ATP1A1: variants seen among roughly 807,000 people sequenced by gnomAD.
ATP1A1 encodes ATPase Na+/K+ transporting subunit alpha 1.
ATP1A1 carries 14 observed loss-of-function variants against 114.8 expected under a neutral mutation model. The ratio of observed to expected loss-of-function variants is 0.12; its 90% CI spans 0.08 to 0.19. The LOEUF (loss-of-function observed/expected upper bound fraction) is 0.19, where lower values mean the gene tolerates loss of function less well. Among genes scored for constraint, ATP1A1 ranks in the 10% least tolerant of loss-of-function variants. The pLI is 1.00. For missense variants in ATP1A1, 524 were observed against 1,290.7 expected, an observed-to-expected ratio of 0.41 and a Z score of 9.10; for synonymous variants, 471 against 466.3, an observed-to-expected ratio of 1.01 and a Z score of -0.13.
At chr1:116,392,635 G>GT (rs1652557377) in intron 10 of ATP1A1, 1 of 463,100 alleles carries the variant, frequency 2.2e-6, no homozygotes, top group African/African-American at 2.0e-5. Flanking sequence ...CTGCTGTGGG[G>GT]TGGGGAAGGA....
intron 1 of ATP1A1, 71 bp downstream of exon 1, chr1:116,373,594 C>G: frequency 7.6e-7 from 1 of 1,319,772 alleles, no homozygotes; most frequent in Non-Finnish European, 9.8e-7. Context: ...GTCGGGAGGG[C>G]GACCGCGGCC....
At position 116,380,519 on chromosome 1, in the gene ATP1A1, A is replaced by G. The variant is rs185147387; in HGVS notation, c.13-3495A>G. Among the ~76,000 whole-genome samples, 319 of 152,208 alleles carry G rather than the reference A, an allele frequency of 2.1e-3. 1 individual carries two copies. The highest frequency in any genetic ancestry group is 7.5e-3 in the African/African-American group (310 of 41,514). ...AAGCAATATACCTCTGGGATGGAAG[A>G]TCCTGCTTATTTTGGGATAATTTCT... On this transcript the variant is annotated intron_variant, in intron 1 of 22. Coordinates refer to ENST00000295598, the MANE Select transcript of ATP1A1 (RefSeq NM_000701.8).
In ATP1A1 at chr1:116,387,603, T is replaced by C. The variant is rs1652186746; in HGVS notation, c.387+112T>C. ...TCATTACTTAATGGTTATGAACTCATTACTTAATGGTTATGAACAGCTGTT... is the reference window on the plus strand; with the variant it reads ...TCATTACTTAATGGTTATGAACTCACTACTTAATGGTTATGAACAGCTGTT... On this transcript the variant is annotated intron_variant, in intron 4 of 22. Transcript: ENST00000295598. The surrounding 1 kb of genome is among the most constrained non-coding windows in gnomAD (Gnocchi z 6.7). The C allele has an allele frequency of 9.2e-6, 11 of 1,201,142 alleles. No individual in the cohort carries two copies. Among genetic ancestry groups the C allele is most frequent in the Non-Finnish European group, 1.3e-5 (11 of 855,678 alleles). 74.4% of individuals were successfully genotyped at this position (1,201,142 alleles called of 1,614,324 possible). A position where few individuals can be genotyped will look rare whatever the true frequency, so the allele number is the denominator to read the frequency against.
rs1237995510 is a variant in ATP1A1, at chr1:116,395,804, T to C, written c.1836+519T>C. 6.6e-6 allele frequency among the ~76,000 whole-genome samples: 1 copy of C among 152,212 alleles called. No individual in the cohort carries two copies. The highest frequency in any genetic ancestry group is 1.5e-5 in the Non-Finnish European group (1 of 68,036). On this transcript the variant is annotated intron_variant, in intron 13 of 22. Coordinates refer to ENST00000295598, the MANE Select transcript of ATP1A1 (RefSeq NM_000701.8). This position sits in a 1 kb window ranked among gnomAD's most constrained non-coding sequence, Gnocchi z 6.4. ...TCTTGCTCTATTGCCCAGGCTGGAA[T>C]GTCATAGCACGATCTCGGCTCACTG...
chr1:116,393,803 T>C lies in ATP1A1; in HGVS notation c.1660+80T>C, dbSNP rs900265950. On this transcript the variant is annotated intron_variant, in intron 12 of 22. Transcript: ENST00000295598. The surrounding 1 kb of genome is among the most constrained non-coding windows in gnomAD (Gnocchi z 5.0). ...AGTCTGGTAGACAGTTAACAAGTGA[T>C]CCTATGAACCTCTATGTCTTGTTGA... The C allele has an allele frequency of 2.2e-6, 3 of 1,383,602 alleles. No homozygotes were observed. In the Admixed American group the frequency reaches 7.3e-5, roughly 34 times the overall value. The allele number at this position is 1,383,602 out of a possible 1,614,324, so 85.7% of individuals were successfully genotyped here.
At position 116,384,741 on chromosome 1, in the gene ATP1A1, C is replaced by T; in HGVS notation, c.124-42C>T. On this transcript the variant is annotated intron_variant, in intron 2 of 22. Transcript: ENST00000295598. This position sits in a 1 kb window ranked among gnomAD's most constrained non-coding sequence, Gnocchi z 5.1. ...CTATTTTTTCTGTCATTTTTTTATACTACACTGTTTAACTATTTTCTTTGT... is the reference window on the plus strand; with the variant it reads ...CTATTTTTTCTGTCATTTTTTTATATTACACTGTTTAACTATTTTCTTTGT... 4 of 1,515,744 alleles carry T rather than the reference C, an allele frequency of 2.6e-6. No individual in the cohort carries two copies. The highest frequency in any genetic ancestry group is 1.9e-5 in the Admixed American group (1 of 51,446). 93.9% of individuals were successfully genotyped at this position (1,515,744 alleles called of 1,614,324 possible).
intron 10 of ATP1A1, 68 bp from the exon 11 acceptor site, chr1:116,392,786 C>T (rs1417066959): frequency 6.4e-7 from 1 of 1,552,238 alleles, no homozygotes; most frequent in East Asian, 2.3e-5. Context: ...AGTTATTTTT[C>T]CTGTTTTTTA....
At chr1:116,383,057 G>A (rs956094424) in intron 1 of ATP1A1, among the ~76,000 whole-genome samples, 1 of 152,034 alleles carries the variant, frequency 6.6e-6, no homozygotes, top group African/African-American at 2.4e-5. Flanking sequence ...CAACAGGGGT[G>A]GGGGAGTGGA....
intron 1 of ATP1A1, chr1:116,374,077 C>G (rs1437808454): frequency 4.2e-6 from 6 of 1,416,426 alleles, no homozygotes; most frequent in South Asian, 1.5e-5. Flanking sequence ...GGGCAGCCTC[C>G]GGGTTCGGGG....
At position 116,388,243 on chromosome 1, in the gene ATP1A1, A is replaced by G; in HGVS notation, c.500A>G (p.Gln167Arg). ...IMESFKNMVP[Q>R]QALVIRNGEK... ...GAATCCTTCAAAAACATGGTCCCTC[A>G]GGTACCAGACGCTTTGTCCTTCCCC... Residue 167 changes from glutamine to arginine, a missense_variant and splice_region_variant, in exon 5 of 23, where the codon CAG becomes CGG. Coordinates refer to ENST00000295598, the MANE Select transcript of ATP1A1 (RefSeq NM_000701.8). The surrounding 1 kb of genome is among the most constrained non-coding windows in gnomAD (Gnocchi z 5.6). 1 of 1,607,100 alleles carries G rather than the reference A, an allele frequency of 6.2e-7. No individual in the cohort carries two copies. The highest frequency in any genetic ancestry group is 8.5e-7 in the Non-Finnish European group (1 of 1,173,688).
chr1:116,374,147 C>G (rs974664181), intron 1 of ATP1A1: 3 of 1,548,546 alleles, frequency 1.9e-6, no homozygotes, highest in Admixed American at 2.0e-5. Context: ...CCGCCCTCCC[C>G]CAAAGAAAAA....
Position 116,393,754 on chromosome 1 carries a change from G to C in ATP1A1, c.1660+31G>C. 6.3e-7 allele frequency: 1 copy of C among 1,596,504 alleles called. No homozygotes were observed. Among genetic ancestry groups the C allele is most frequent in the Non-Finnish European group, 8.5e-7 (1 of 1,170,994 alleles). ...CAGATAACCTGGTAACAGAGTGCCT[G>C]GGCACGTTTTTATCCAGTAACCTAG... On this transcript the variant is annotated intron_variant, in intron 12 of 22. Transcript: ENST00000295598. This position sits in a 1 kb window ranked among gnomAD's most constrained non-coding sequence, Gnocchi z 5.0.
At chr1:116,374,092 T>C in intron 1 of ATP1A1, 1 of 1,445,830 alleles carries the variant, frequency 6.9e-7, no homozygotes. Context: ...TCGGGGCTCC[T>C]TCTCCTGGGG....
At chr1:116,380,613 A>G (rs941992458) in intron 1 of ATP1A1, among the ~76,000 whole-genome samples, 15 of 152,082 alleles carry the variant, frequency 9.9e-5, no homozygotes, top group African/African-American at 3.6e-4. Context: ...AGGAAGCAAC[A>G]TCTTCAGCTC....
rs190227377 is a variant in ATP1A1 at position 116,387,026 on chromosome 1, A to G, written c.184-262A>G. Among the ~76,000 whole-genome samples the G allele has an allele frequency of 1.6e-3, 249 of 152,350 alleles. No homozygotes were observed. The highest frequency in any genetic ancestry group is 5.9e-3 in the African/African-American group (244 of 41,570). On this transcript the variant is annotated intron_variant, in intron 3 of 22. Coordinates refer to ENST00000295598, the MANE Select transcript of ATP1A1 (RefSeq NM_000701.8). The surrounding 1 kb of genome is among the most constrained non-coding windows in gnomAD (Gnocchi z 6.7). ...CTTAGAAGAAACCAGGCTGAATTCA[A>G]ATTTATTGATGGATCAATTTAAAGA... is the stretch of plus-strand genomic sequence containing the variant.
rs539176683 is a variant in ATP1A1, at chr1:116,384,219, A to G, written c.123+95A>G. On this transcript the variant is annotated intron_variant, in intron 2 of 22. Coordinates refer to ENST00000295598, the MANE Select transcript of ATP1A1 (RefSeq NM_000701.8). This position sits in a 1 kb window ranked among gnomAD's most constrained non-coding sequence, Gnocchi z 5.1. ...ACTGTATTCTTCAAAGAACTGCTAT[A>G]TATTAAAAGAGATCATAGCAGCTGT... 3.1e-5 allele frequency: 30 copies of G among 953,728 alleles called. No homozygotes were observed. The highest frequency in any genetic ancestry group is 1.3e-4 in the East Asian group (5 of 38,296). 59.1% of individuals were successfully genotyped at this position (953,728 alleles called of 1,614,324 possible).
intron 10 of ATP1A1, 123 bp from the exon 11 acceptor site, chr1:116,392,731 C>A: frequency 8.2e-7 from 1 of 1,217,966 alleles, no homozygotes. Context: ...CTGCTTCCTT[C>A]TTGCCCATCC....
rs1557782431 is a variant in ATP1A1 at position 116,384,751 on chromosome 1, T to G, written c.124-32T>G. 4 of 1,566,720 alleles carry G rather than the reference T, an allele frequency of 2.6e-6. No homozygotes were observed. The highest frequency in any genetic ancestry group is 2.3e-5 in the South Asian group (2 of 86,658). On this transcript the variant is annotated intron_variant, in intron 2 of 22. Coordinates refer to ENST00000295598, the MANE Select transcript of ATP1A1 (RefSeq NM_000701.8). The surrounding 1 kb of genome is among the most constrained non-coding windows in gnomAD (Gnocchi z 5.1). ...TGTCATTTTTTTATACTACACTGTT[T>G]AACTATTTTCTTTGTTTCTGTTTTC...
chr1:116,380,929 G>GAA (rs112320858), intron 1 of ATP1A1, among the ~76,000 whole-genome samples: 1 of 144,844 alleles, frequency 6.9e-6, no homozygotes. Flanking sequence ...ATGGAAGGGG[G>GAA]AAAAAAAAAA....
Sources: allele counts gnomAD v4.1 joint callset (sites outside exome capture counted in the v4.1 genomes callset), GRCh38; gene constraint gnomAD v4.1.1; non-coding constraint Gnocchi (gnomAD v3.1); transcripts MANE v1.5; gene names NCBI Gene and HGNC (gene_info 2026-07-23, HGNC 2026-07-21).